Variants in ME3 observed in about 807,000 individuals in gnomAD.
The protein encoded by ME3 is NADP-dependent malic enzyme, mitochondrial.
In ME3, 48 loss-of-function variants were observed where a neutral mutation model predicts 68.9. The ratio of observed to expected loss-of-function variants is 0.70; its 90% CI spans 0.55 to 0.89. The LOEUF is 0.89. Among genes scored for constraint, ME3 ranks in the 40% least tolerant of loss-of-function variants. The pLI is 0.00. For synonymous variants in ME3, 320 were observed against 318.8 expected (o/e 1.00, Z -0.04); for missense variants, 675 against 797.4 (o/e 0.85, Z 1.85).
intron 4 of ME3, among the ~76,000 whole-genome samples, chr11:86,547,682 ACT>A (rs1956449137): frequency 1.3e-5 from 2 of 152,170 alleles, no homozygotes; most frequent in African/African-American, 4.8e-5. Context: ...ATAAGAAGCC[ACT>A]CTTTTTAGAC....
intron 2 of ME3, among the ~76,000 whole-genome samples, chr11:86,569,272 T>G (rs1957652137): frequency 6.6e-6 from 1 of 152,198 alleles, no homozygotes; most frequent in South Asian, 2.1e-4. Context: ...TGCTTGTCCA[T>G]GGGCTCAGGC....
intron 6 of ME3, among the ~76,000 whole-genome samples, chr11:86,491,987 G>A (rs371770345): frequency 5.9e-5 from 9 of 152,166 alleles, no homozygotes; most frequent in East Asian, 1.9e-4. Flanking sequence ...GCAACGTGCC[G>A]CAGGGGAAAG....
intron 13 of ME3, among the ~76,000 whole-genome samples, chr11:86,444,917 T>C (rs899729434): frequency 6.6e-6 from 1 of 152,172 alleles, no homozygotes. Flanking sequence ...CAGCAGGTGA[T>C]AATAAGTAGA....
chr11:86,532,599 AAAC>A lies in ME3; in HGVS notation c.468-23735_468-23733del, dbSNP rs1955335143. Among the ~76,000 whole-genome samples, 3 of 152,368 alleles carry A rather than the reference AAAC, an allele frequency of 2.0e-5. No homozygotes were observed. The South Asian group carries it at 6.2e-4, about 32-fold the overall frequency. ...TGGAAAATTGAAATACGTGGAAATTAAACAACATTCTCTGAACAACCCTTAGGT... is the reference window on the plus strand; with the variant it reads ...TGGAAAATTGAAATACGTGGAAATTAAACATTCTCTGAACAACCCTTAGGT... On this transcript the variant is annotated intron_variant, in intron 4 of 14. Coordinates refer to ENST00000543262, the Ensembl canonical transcript of ME3.
chr11:86,525,754 A>C (rs1210446565), intron 4 of ME3, among the ~76,000 whole-genome samples: 1 of 151,126 alleles, frequency 6.6e-6, no homozygotes, highest in East Asian at 2.0e-4. Context: ...TCAGTTACCG[A>C]GGGAGACCGA....
chr11:86,445,903 C>T (rs978916254), intron 13 of ME3, among the ~76,000 whole-genome samples: 16 of 152,128 alleles, frequency 1.1e-4, no homozygotes, highest in Admixed American at 7.9e-4. Flanking sequence ...GGCTTACTAC[C>T]GCCAGTTACC....
chr11:86,618,053 C>T (rs71465647), intron 2 of ME3, among the ~76,000 whole-genome samples: 1 of 152,024 alleles, frequency 6.6e-6, no homozygotes, highest in Non-Finnish European at 1.5e-5. Context: ...CATGCCATCG[C>T]TCTGGGAGGC....
chr11:86,554,345 T>A (rs1379180420), intron 4 of ME3, among the ~76,000 whole-genome samples: 1 of 152,162 alleles, frequency 6.6e-6, no homozygotes, highest in African/African-American at 2.4e-5. Context: ...GGGATAAAGG[T>A]CCTCTTCAGG....
chr11:86,592,256 G>C (rs2139671933), intron 2 of ME3, among the ~76,000 whole-genome samples: 1 of 151,832 alleles, frequency 6.6e-6, no homozygotes, highest in African/African-American at 2.4e-5. Flanking sequence ...CATCCAGGCT[G>C]CTGCTTTTTT....
At chr11:86,565,211 A>G (rs1957423231) in intron 2 of ME3, among the ~76,000 whole-genome samples, 1 of 151,932 alleles carries the variant, frequency 6.6e-6, no homozygotes, top group African/African-American at 2.4e-5. Context: ...ACACACACAC[A>G]CACCCCCCCT....
chr11:86,600,547 A>C (rs1960434836), intron 2 of ME3, among the ~76,000 whole-genome samples: 1 of 148,314 alleles, frequency 6.7e-6, no homozygotes, highest in African/African-American at 2.5e-5. Flanking sequence ...GATGAACGAG[A>C]CAGAAAGTTA....
intron 8 of ME3, among the ~76,000 whole-genome samples, chr11:86,464,280 A>G (rs1950369967): frequency 6.6e-6 from 1 of 152,212 alleles, no homozygotes; most frequent in Non-Finnish European, 1.5e-5. Context: ...TTTCTCTCGG[A>G]CTTTACAAAA....
At chr11:86,462,523 C>G (rs601646) in intron 8 of ME3, 377,587 of 1,190,948 alleles carry the variant, frequency 0.32, 61,842 homozygotes, top group Admixed American at 0.33. Context: ...ACCTGGATAA[C>G]AGAGAGGCTG....
intron 2 of ME3, among the ~76,000 whole-genome samples, chr11:86,637,829 T>TCCAGATGA (rs1405335830): frequency 2.6e-5 from 4 of 152,090 alleles, no homozygotes; most frequent in Non-Finnish European, 4.4e-5. Flanking sequence ...CATAGAAATG[T>TCCAGATGA]CCAGATGACA....
intron 5 of ME3, among the ~76,000 whole-genome samples, chr11:86,504,799 T>C (rs1441423975): frequency 6.6e-6 from 1 of 152,130 alleles, no homozygotes; most frequent in Non-Finnish European, 1.5e-5. Context: ...CAAGCTATTC[T>C]CCTGGCTCAG....
intron 4 of ME3, among the ~76,000 whole-genome samples, chr11:86,529,625 T>C (rs12361416): frequency 0.24 from 36,381 of 152,012 alleles, 4,465 homozygotes; most frequent in African/African-American, 0.27. Flanking sequence ...ACTGGCAAAC[T>C]GAATCCAGCA....
chr11:86,647,633 A>T (rs946592310), intron 2 of ME3, among the ~76,000 whole-genome samples: 1 of 152,214 alleles, frequency 6.6e-6, no homozygotes, highest in African/African-American at 2.4e-5. Context: ...AAGACTTTAA[A>T]CCAACAAAGA....
intron 5 of ME3, among the ~76,000 whole-genome samples, chr11:86,499,965 T>C (rs892683393): frequency 6.6e-6 from 1 of 152,260 alleles, no homozygotes; most frequent in Non-Finnish European, 1.5e-5. Flanking sequence ...GTCATCTTTC[T>C]AGTGAATGTG....
intron 8 of ME3, chr11:86,457,546 C>T: frequency 8.7e-7 from 1 of 1,155,726 alleles, no homozygotes; most frequent in Non-Finnish European, 1.1e-6. Flanking sequence ...TCTTAAGCTC[C>T]AAATTACAAA....
Sources: allele counts gnomAD v4.1 joint callset (sites outside exome capture counted in the v4.1 genomes callset), GRCh38; gene constraint gnomAD v4.1.1; transcripts MANE v1.5; gene names NCBI Gene and HGNC (gene_info 2026-07-23, HGNC 2026-07-21).